BTNL8: variants seen among roughly 807,000 people sequenced by gnomAD.
The protein encoded by BTNL8 is butyrophilin-like protein 8.
BTNL8 carries 22 observed loss-of-function variants against 36.1 expected under a neutral mutation model. That is an observed-to-expected ratio of 0.61 (90% CI 0.44 to 0.87). BTNL8 has a LOEUF of 0.87. Among genes scored for constraint, BTNL8 ranks in the 40% least tolerant of loss-of-function variants. The pLI is 0.00. For missense variants in BTNL8, 526 were observed against 616.9 expected (o/e 0.85, Z 1.56); for synonymous variants, 203 against 235.6 (o/e 0.86, Z 1.27).
intron 3 of BTNL8, among the ~76,000 whole-genome samples, chr5:180,925,411 T>G (rs1299045632): frequency 6.6e-6 from 1 of 152,230 alleles, no homozygotes; most frequent in East Asian, 1.9e-4. Context: ...AGCAAGAGAA[T>G]GAACCATATC....
At chr5:180,938,669 C>G (rs539167747) in intron 3 of BTNL8, among the ~76,000 whole-genome samples, 1 of 151,892 alleles carries the variant, frequency 6.6e-6, no homozygotes, top group African/African-American at 2.4e-5. Flanking sequence ...TCTCGAGTAG[C>G]TGGGATTACA....
At chr5:180,909,008 A>G in intron 2 of BTNL8, 75 bp downstream of exon 2, 2 of 1,424,300 alleles carry the variant, frequency 1.4e-6, no homozygotes, top group Non-Finnish European at 1.9e-6. Flanking sequence ...TTCAATAAGG[A>G]AATTTTAAAA....
At chr5:180,930,164 C>T (rs111344795) in intron 3 of BTNL8, among the ~76,000 whole-genome samples, 143 of 152,248 alleles carry the variant, frequency 9.4e-4, no homozygotes, top group African/African-American at 3.1e-3. Context: ...GTTCAACATA[C>T]GCAAATTAAT....
intron 3 of BTNL8, among the ~76,000 whole-genome samples, chr5:180,925,188 G>C (rs1758038807): frequency 6.6e-6 from 1 of 152,124 alleles, no homozygotes; most frequent in African/African-American, 2.4e-5. Context: ...TTGCATAATA[G>C]GAGTTTCAGA....
intron 2 of BTNL8, among the ~76,000 whole-genome samples, 162 bp from the exon 3 acceptor site, chr5:180,911,177 G>A (rs928457270): frequency 3.3e-5 from 5 of 152,170 alleles, no homozygotes; most frequent in East Asian, 1.9e-4. Flanking sequence ...AAATGGCAAC[G>A]AACAGAGGCC....
chr5:180,927,321 G>A (rs1319954374), intron 3 of BTNL8, among the ~76,000 whole-genome samples: 5 of 152,284 alleles, frequency 3.3e-5, no homozygotes, highest in South Asian at 4.1e-4. Flanking sequence ...AACCCCATTC[G>A]AAGGTCACCA....
intron 3 of BTNL8, among the ~76,000 whole-genome samples, chr5:180,928,664 C>CTGCTTTTT (rs1758219182): frequency 6.6e-6 from 1 of 152,104 alleles, no homozygotes; most frequent in South Asian, 2.1e-4. Context: ...CGTTGCAATC[C>CTGCTTTTT]TAGTCTCTGA....
At chr5:180,911,064 T>C (rs1393923115) in intron 2 of BTNL8, among the ~76,000 whole-genome samples, 1 of 152,262 alleles carries the variant, frequency 6.6e-6, no homozygotes, top group African/African-American at 2.4e-5. Context: ...GCACTCTCTC[T>C]ACTTTAGCTG....
At chr5:180,936,199 G>A (rs1027044039) in intron 3 of BTNL8, among the ~76,000 whole-genome samples, 22 of 152,084 alleles carry the variant, frequency 1.4e-4, no homozygotes, top group Admixed American at 4.6e-4. Flanking sequence ...GTGAGCCACC[G>A]CCCCGGCACT....
At chr5:180,934,165 T>C (rs1442248051) in intron 3 of BTNL8, among the ~76,000 whole-genome samples, 2 of 152,194 alleles carry the variant, frequency 1.3e-5, no homozygotes, top group African/African-American at 2.4e-5. Flanking sequence ...TCATATAACA[T>C]ATAAGCAAAG....
intron 3 of BTNL8, chr5:180,945,883 CAT>C (rs1759212790): frequency 2.7e-6 from 1 of 375,670 alleles, no homozygotes; most frequent in Non-Finnish European, 5.7e-6. Flanking sequence ...ACGCAAAGGA[CAT>C]ATGTTTCATT....
chr5:180,950,004 T>C lies in BTNL8; in HGVS notation c.963T>C (p.Ser321=). ...HRKAPQEVPH[S]EKRFTRKSVV... ...AAGCTCCCCAGGAGGTGCCTCACTC[T>C]GAGAAGAGATTTACAAGGAAGAGTG... The change falls in exon 8 of 8, where the codon TCT becomes TCC. Residue 321 remains serine, a synonymous_variant. Transcript: ENST00000340184. 6.8e-7 allele frequency: 1 copy of C among 1,462,554 alleles called. No homozygotes were observed. Among genetic ancestry groups the C allele is most frequent in the African/African-American group, 1.4e-5 (1 of 72,394 alleles). 90.6% of individuals were successfully genotyped at this position (1,462,554 alleles called of 1,614,324 possible).
At chr5:180,907,809 G>A (rs556227597) in intron 1 of BTNL8, among the ~76,000 whole-genome samples, 4 of 151,756 alleles carry the variant, frequency 2.6e-5, no homozygotes, top group Admixed American at 2.0e-4. Context: ...CTGCTGGGGG[G>A]TGCCTCCCAG....
At position 180,928,107 on chromosome 5, in the gene BTNL8, G is replaced by A. The variant is rs1299177598; in HGVS notation, c.673+16493G>A. Among the ~76,000 whole-genome samples, 5 of 152,292 alleles carry A rather than the reference G, an allele frequency of 3.3e-5. No homozygotes were observed. In the South Asian group the frequency reaches 1.0e-3, roughly 32 times the overall value. ...GAGAAAGGTTGGGTTACCCACAAAG[G>A]GAAGCCCATCAGACTAACAGTGGAT... On this transcript the variant is annotated intron_variant, in intron 3 of 7. Transcript: ENST00000340184.
intron 6 of BTNL8, 24 bp downstream of exon 6, chr5:180,948,970 C>A: frequency 2.9e-6 from 2 of 686,332 alleles, no homozygotes; most frequent in South Asian, 3.6e-5. Flanking sequence ...TTCCTCTTCA[C>A]ACATTTATGA....
At chr5:180,932,276 G>T (rs558935517) in intron 3 of BTNL8, among the ~76,000 whole-genome samples, 1 of 152,110 alleles carries the variant, frequency 6.6e-6, no homozygotes, top group African/African-American at 2.4e-5. Context: ...TGATGGGTGC[G>T]GCAAACCAGC....
At chr5:180,924,135 G>A (rs897489667) in intron 3 of BTNL8, among the ~76,000 whole-genome samples, 2 of 152,104 alleles carry the variant, frequency 1.3e-5, no homozygotes, top group Non-Finnish European at 2.9e-5. Context: ...GCTGAGCAGC[G>A]ACTCAGCCAG....
intron 1 of BTNL8, among the ~76,000 whole-genome samples, chr5:180,906,730 T>C (rs1479090252): frequency 9.0e-6 from 1 of 111,714 alleles, no homozygotes; most frequent in Non-Finnish European, 1.7e-5. Flanking sequence ...GGTGACAAAA[T>C]CTCTCAGCAT....
chr5:180,905,796 T>C (rs1757051412), intron 1 of BTNL8, among the ~76,000 whole-genome samples: 1 of 150,892 alleles, frequency 6.6e-6, no homozygotes, highest in Non-Finnish European at 1.5e-5. Context: ...CCAGTAGTCA[T>C]TCAGGAGCAG....
Sources: allele counts gnomAD v4.1 joint callset (sites outside exome capture counted in the v4.1 genomes callset), GRCh38; gene constraint gnomAD v4.1.1; transcripts MANE v1.5; gene names NCBI Gene and HGNC (gene_info 2026-07-23, HGNC 2026-07-21).